Variants in TTI1 observed in about 807,000 individuals in gnomAD.
TTI1 encodes the protein TELO2 interacting protein 1, also known as TELO2-interacting protein 1 homolog.
Under a neutral mutation model 85.4 loss-of-function variants are expected in TTI1, and 52 were observed. The ratio of observed to expected loss-of-function variants is 0.61; its 90% CI spans 0.49 to 0.77. The LOEUF is 0.77. Among genes scored for constraint, TTI1 ranks in the 30% least tolerant of loss-of-function variants. The pLI, the probability that TTI1 is intolerant of heterozygous loss-of-function variation, is 0.00. For synonymous variants in TTI1, 512 were observed against 503.9 expected, an observed-to-expected ratio of 1.02 and a Z score of -0.22; for missense variants, 1,173 against 1,296.0, an observed-to-expected ratio of 0.91 and a Z score of 1.46.
chr20:37,984,050 G>C (rs142938985), intron 7 of TTI1, among the ~76,000 whole-genome samples: 38 of 152,312 alleles, frequency 2.5e-4, no homozygotes, highest in Admixed American at 9.1e-4. Context: ...GGCAGGCCCA[G>C]GGCAGGGCTC....
Position 38,013,223 on chromosome 20 carries a change from T to C in TTI1, c.594A>G (p.Glu198=), listed in dbSNP as rs892767196. Residue 198 remains glutamate, a synonymous_variant, in exon 2 of 8, where the codon GAA becomes GAG. Coordinates refer to ENST00000373447, the MANE Select transcript of TTI1 (RefSeq NM_001303457.2). Reference sequence around the variant, plus strand: ...CAAACAAATCCCCCAGCTGCTTTTGTTCAAGTTCATCCAATGACCTTGGAT... The same window carrying C: ...CAAACAAATCCCCCAGCTGCTTTTGCTCAAGTTCATCCAATGACCTTGGAT... ...QDHPRSLDEL[E]QKQLGDLFAS... 10 of 1,613,988 alleles carry C rather than the reference T, an allele frequency of 6.2e-6. No homozygotes were observed. In the African/African-American group the frequency reaches 9.3e-5, roughly 15 times the overall value.
In TTI1 at chr20:37,983,394, C is replaced by A; in HGVS notation, c.*62G>T. On this transcript the variant is annotated 3_prime_UTR_variant, in exon 8 of 8. Coordinates refer to ENST00000373447, the MANE Select transcript of TTI1 (RefSeq NM_001303457.2). The stretch of plus-strand genomic sequence containing the variant: ...CCACCGCCTATGGCCGGGGTGGGGT[C>A]AGCCCAGCTTCTGGCTGGCAGTAGG... 1 of 1,552,674 alleles carries A rather than the reference C, an allele frequency of 6.4e-7. No individual in the cohort carries two copies. The highest frequency in any genetic ancestry group is 1.2e-5 in the South Asian group (1 of 85,088).
chr20:38,022,779 T>C (rs954227581), intron 1 of TTI1, among the ~76,000 whole-genome samples: 47 of 152,212 alleles, frequency 3.1e-4, no homozygotes, highest in African/African-American at 1.1e-3. Flanking sequence ...CTATACATGC[T>C]TTCCCTTCTG....
In TTI1 at chr20:38,012,230, C is replaced by G. The variant is rs768075706; in HGVS notation, c.1587G>C (p.Leu529=). 1 of 1,614,182 alleles carries G rather than the reference C, an allele frequency of 6.2e-7. No homozygotes were observed. The highest frequency in any genetic ancestry group is 1.1e-5 in the South Asian group (1 of 91,082). Residue 529 remains leucine (L), a synonymous_variant, in exon 2 of 8, where the codon CTG becomes CTC. Coordinates refer to ENST00000373447, the MANE Select transcript of TTI1 (RefSeq NM_001303457.2). ...CCTCCAGCCCAGCAGCCCCTGTAAC[C>G]AGTTCATTAAGGATCATGGCAGCTT... is the stretch of plus-strand genomic sequence containing the variant. The part of the protein sequence containing the change: ...RKQAAMILNE[L]VTGAAGLEVE...
Position 38,011,697 on chromosome 20 carries a change from C to A in TTI1, c.2120G>T (p.Arg707Leu), listed in dbSNP as rs141770247. 4.8e-5 allele frequency: 77 copies of A among 1,614,172 alleles called. No individual in the cohort carries two copies. In the African/African-American group the frequency reaches 9.3e-4, roughly 20 times the overall value. ...GGTATGAGGATGCAGAGCCAGATGACGCAGATTTAAAGAGATCCCATTCAC... is the reference window on the plus strand; with the variant it reads ...GGTATGAGGATGCAGAGCCAGATGAAGCAGATTTAAAGAGATCCCATTCAC... ...YLVNGISLNL[R>L]HLALHPHTPK... The change falls in exon 2 of 8, where the codon CGT becomes CTT. Residue 707 changes from arginine (R) to leucine (L), a missense_variant. Physicochemically the swap from Arg to Leu is moderately radical, Grantham distance 102. Transcript: ENST00000373447.
chr20:38,028,238 G>A (rs1028003861), intron 1 of TTI1, among the ~76,000 whole-genome samples: 85 of 152,296 alleles, frequency 5.6e-4, no homozygotes, highest in African/African-American at 1.9e-3. Flanking sequence ...GAGATTGGCG[G>A]AGTGGATTTA....
At position 38,012,339 on chromosome 20, in the gene TTI1, T is replaced by C; in HGVS notation, c.1478A>G (p.Gln493Arg). The C allele has an allele frequency of 6.2e-7, 1 of 1,614,174 alleles. No homozygotes were observed. The highest frequency in any genetic ancestry group is 8.5e-7 in the Non-Finnish European group (1 of 1,180,044). The change falls in exon 2 of 8, where the codon CAG (glutamine) becomes CGG (arginine). Residue 493 changes from glutamine (Q) to arginine (R), a missense_variant. Physicochemically the swap from Gln to Arg is conservative, Grantham distance 43. Transcript: ENST00000373447. ...AAGATTCCCATAATAACCAAGTAGC[T>C]GACAAACCTGCCTCAAGAGCATGAA... ...RIFMLLRQVC[Q>R]LLGYYGNLYL...
chr20:38,028,344 T>C (rs1159026811), intron 1 of TTI1, among the ~76,000 whole-genome samples: 2 of 152,186 alleles, frequency 1.3e-5, no homozygotes, highest in African/African-American at 2.4e-5. Context: ...GATATTATCA[T>C]GTAAGCATTA....
rs549639197 is a variant in TTI1 at position 37,992,981 on chromosome 20, C to T, written c.3086+3394G>A. On this transcript the variant is annotated intron_variant, in intron 7 of 7. Transcript: ENST00000373447. ...ATCTGACCTGTTGTCTGTAATCCAA[C>T]GCCTACCCTCAGGGACACTGTCTTA... Among the ~76,000 whole-genome samples the T allele has an allele frequency of 4.6e-5, 7 of 152,274 alleles. No individual in the cohort carries two copies. In the South Asian group the frequency reaches 8.3e-4, roughly 18 times the overall value.
chr20:37,999,399 C>T (rs907885794), intron 4 of TTI1, 71 bp from the exon 5 acceptor site: 16 of 1,321,266 alleles, frequency 1.2e-5, no homozygotes, highest in African/African-American at 6.0e-5. Flanking sequence ...TCACCATTTT[C>T]AAAGAATAAC....
intron 2 of TTI1, 149 bp downstream of exon 2, chr20:38,011,366 A>C (rs1016091285): frequency 1.1e-5 from 9 of 844,132 alleles, no homozygotes; most frequent in Admixed American, 8.9e-5. Context: ...AAACAGTGAA[A>C]CCCCCCCATA....
chr20:38,010,217 C>A (rs909159523), intron 2 of TTI1, among the ~76,000 whole-genome samples: 1 of 152,236 alleles, frequency 6.6e-6, no homozygotes, highest in Non-Finnish European at 1.5e-5. Flanking sequence ...GGGCAGTGCA[C>A]TGTCCCTGCC....
intron 1 of TTI1, among the ~76,000 whole-genome samples, chr20:38,021,590 T>C (rs567062467): frequency 1.2e-4 from 19 of 152,196 alleles, no homozygotes; most frequent in Non-Finnish European, 2.4e-4. Flanking sequence ...TAAACATGAA[T>C]AAACATAAGC....
chr20:37,991,684 C>A (rs1600604885), intron 7 of TTI1, among the ~76,000 whole-genome samples: 1 of 152,332 alleles, frequency 6.6e-6, no homozygotes, highest in South Asian at 2.1e-4. Context: ...TGGCCAGTGT[C>A]TATGTGTATG....
chr20:38,020,323 A>AAT (rs1159604655), intron 1 of TTI1, among the ~76,000 whole-genome samples: 1,855 of 50,218 alleles, frequency 0.037, 77 homozygotes, highest in Middle Eastern at 0.051. Flanking sequence ...AAAAAAAAAA[A>AAT]ATATATATAT....
chr20:38,022,345 A>C (rs1173907813), intron 1 of TTI1, among the ~76,000 whole-genome samples: 1 of 152,142 alleles, frequency 6.6e-6, no homozygotes, highest in African/African-American at 2.4e-5. Flanking sequence ...CTTGCCTTTA[A>C]AATTTTCTTC....
At chr20:38,004,597 C>A (rs1461187400) in intron 3 of TTI1, among the ~76,000 whole-genome samples, 1 of 152,186 alleles carries the variant, frequency 6.6e-6, no homozygotes, top group Non-Finnish European at 1.5e-5. Flanking sequence ...GTGGTGTGTA[C>A]TTGATGAATG....
intron 1 of TTI1, among the ~76,000 whole-genome samples, chr20:38,019,555 C>T (rs1045342835): frequency 2.0e-5 from 3 of 151,862 alleles, no homozygotes; most frequent in African/African-American, 7.3e-5. Context: ...AAAAGAATAG[C>T]TACCTAACAA....
chr20:38,025,369 G>C (rs2073823157), intron 1 of TTI1, among the ~76,000 whole-genome samples: 1 of 152,106 alleles, frequency 6.6e-6, no homozygotes, highest in African/African-American at 2.4e-5. Flanking sequence ...AGGAGTTCAA[G>C]ACCAGCCTGG....
Sources: allele counts gnomAD v4.1 joint callset (sites outside exome capture counted in the v4.1 genomes callset), GRCh38; gene constraint gnomAD v4.1.1; transcripts MANE v1.5; gene names NCBI Gene and HGNC (gene_info 2026-07-23, HGNC 2026-07-21).